Variants in ANKHD1 observed in about 807,000 individuals in gnomAD.
ANKHD1 encodes the protein ankyrin repeat and KH domain-containing protein 1.
A neutral mutation model predicts 230.5 loss-of-function variants in ANKHD1; 31 were observed. The ratio of observed to expected loss-of-function variants is 0.13; its 90% CI spans 0.10 to 0.18. ANKHD1 has a LOEUF of 0.18. ANKHD1 is among the 10% of genes least tolerant of loss of function. ANKHD1 has a pLI of 1.00. For missense variants in ANKHD1, 2,256 were observed against 3,071.3 expected, an observed-to-expected ratio of 0.73 and a Z score of 6.27; for synonymous variants, 1,074 against 1,117.6, an observed-to-expected ratio of 0.96 and a Z score of 0.78.
intron 14 of ANKHD1, among the ~76,000 whole-genome samples, chr5:140,491,461 G>A (rs1344604688): frequency 4.0e-5 from 6 of 151,800 alleles, no homozygotes; most frequent in Admixed American, 6.6e-5. Context: ...CAGCACACCC[G>A]GCGATTACCT....
rs1753644456 is a variant in ANKHD1, at chr5:140,527,233, G to T, written c.5087+159G>T. ...ATATGCTAAAGCAAAATTAGAAGCA[G>T]TATGTAAATTTTGCATGCATATTTT... On this transcript the variant is annotated intron_variant, in intron 27 of 33. Transcript: ENST00000360839. This position sits in a 1 kb window ranked among gnomAD's most constrained non-coding sequence, Gnocchi z 4.5. 1 of 1,208,890 alleles carries T rather than the reference G, an allele frequency of 8.3e-7. No homozygotes were observed. Among genetic ancestry groups the T allele is most frequent in the Admixed American group, 3.9e-5 (1 of 25,792 alleles). 74.9% of individuals were successfully genotyped at this position (1,208,890 alleles called of 1,614,324 possible).
At chr5:140,491,090 G>GTATATATATATATATATATATATA (rs1482029581) in intron 14 of ANKHD1, among the ~76,000 whole-genome samples, 26 of 96,584 alleles carry the variant, frequency 2.7e-4, no homozygotes, top group South Asian at 4.1e-4. Context: ...ATGTGTGTGT[G>GTATATATATATATATATATATATA]TGTATATATA....
Position 140,402,124 on chromosome 5 carries a change from G to A in ANKHD1, c.157G>A (p.Ala53Thr). Residue 53 changes from alanine to threonine, a missense_variant, in exon 1 of 34, where the codon GCG becomes ACG. This residue lies in a region of ANKHD1 where 193 missense variants were observed against 185.8 expected (regional missense o/e 1.04). Coordinates refer to ENST00000360839, the MANE Select transcript of ANKHD1 (RefSeq NM_017747.3). Reference protein sequence around the residue: ...TVRLFGEAGPASGVGSSGGGG... With the variant: ...TVRLFGEAGPTSGVGSSGGGG... ...GAGGCTCTTTGGGGAGGCCGGGCCA[G>A]CGTCGGGAGTCGGCAGCAGCGGCGG... The A allele has an allele frequency of 6.5e-7, 1 of 1,543,672 alleles. No homozygotes were observed. The highest frequency in any genetic ancestry group is 8.7e-7 in the Non-Finnish European group (1 of 1,149,174).
intron 26 of ANKHD1, 100 bp downstream of exon 26, chr5:140,526,543 C>T (rs957208072): frequency 3.7e-5 from 52 of 1,401,170 alleles, no homozygotes; most frequent in Non-Finnish European, 4.5e-5. Context: ...TTGTGTTAAA[C>T]AATTGAAGTC....
intron 10 of ANKHD1, among the ~76,000 whole-genome samples, chr5:140,468,571 T>A (rs1776274654): frequency 6.6e-6 from 1 of 152,234 alleles, no homozygotes; most frequent in Non-Finnish European, 1.5e-5. Flanking sequence ...CTGTATTAAA[T>A]CTTATAAATA....
intron 5 of ANKHD1, among the ~76,000 whole-genome samples, chr5:140,443,823 C>A (rs941982017): frequency 6.6e-6 from 1 of 151,968 alleles, no homozygotes; most frequent in African/African-American, 2.4e-5. Context: ...TAACTTTAAG[C>A]CAAACAGTAT....
rs1384365119 is a variant in ANKHD1 at position 140,539,453 on chromosome 5, AAACCTATGACCTTGGAAG to A, written c.*40_*57del. On this transcript the variant is annotated 3_prime_UTR_variant, in exon 34 of 34. Coordinates refer to ENST00000360839, the MANE Select transcript of ANKHD1 (RefSeq NM_017747.3). ...TCTTTACTCTTTAGCCTTGTTTAAG[AAACCTATGACCTTGGAAG>A]AACCATGGGGATTTTTTTTTAATGT... 1 of 1,602,892 alleles carries A rather than the reference AAACCTATGACCTTGGAAG, an allele frequency of 6.2e-7. No individual in the cohort carries two copies. The highest frequency in any genetic ancestry group is 8.5e-7 in the Non-Finnish European group (1 of 1,174,616).
intron 17 of ANKHD1, 139 bp downstream of exon 17, chr5:140,505,372 T>A: frequency 3.7e-6 from 4 of 1,081,120 alleles, no homozygotes; most frequent in Non-Finnish European, 5.3e-6. Context: ...TCTGGATTCA[T>A]TATTCTGCGG....
intron 1 of ANKHD1, among the ~76,000 whole-genome samples, chr5:140,409,705 A>T (rs1173689734): frequency 6.6e-6 from 1 of 151,950 alleles, no homozygotes; most frequent in Non-Finnish European, 1.5e-5. Context: ...GGCCCGTGCC[A>T]CCACGCTCGG....
chr5:140,486,925 C>A, intron 13 of ANKHD1, 33 bp from the exon 14 acceptor site: 1 of 1,600,236 alleles, frequency 6.2e-7, no homozygotes, highest in South Asian at 1.1e-5. Flanking sequence ...ATTCTTTGGT[C>A]TGAGATGATT....
intron 29 of ANKHD1, among the ~76,000 whole-genome samples, chr5:140,531,913 A>G (rs2127093321): frequency 6.6e-6 from 1 of 152,280 alleles, no homozygotes; most frequent in South Asian, 2.1e-4. Context: ...TATTTGGTAT[A>G]AAAAGAAATA....
At chr5:140,496,332 A>G (rs1409893938) in intron 14 of ANKHD1, among the ~76,000 whole-genome samples, 188 bp from the exon 15 acceptor site, 1 of 151,546 alleles carries the variant, frequency 6.6e-6, no homozygotes, top group Non-Finnish European at 1.5e-5. Flanking sequence ...ATAGATGAGT[A>G]TAGGCTTTAA....
intron 24 of ANKHD1, among the ~76,000 whole-genome samples, chr5:140,522,973 T>A (rs1326748225): frequency 6.6e-6 from 1 of 152,190 alleles, no homozygotes; most frequent in Admixed American, 6.5e-5. Flanking sequence ...ATATTTTCTT[T>A]GGAGAAATGT....
Position 140,425,064 on chromosome 5 carries a change from C to T in ANKHD1, c.307-11040C>T, listed in dbSNP as rs140060836. ...ATTTTTAAAAAGATTTTTCCTTCTC[C>T]TGTTTTCAGTTAGGGACTTCAAAAG... On this transcript the variant is annotated intron_variant, in intron 1 of 33. Transcript: ENST00000360839. Among the ~76,000 whole-genome samples the T allele has an allele frequency of 1.8e-3, 277 of 152,206 alleles. 2 individuals are homozygous for T. The highest frequency in any genetic ancestry group is 6.2e-3 in the African/African-American group (256 of 41,524).
intron 9 of ANKHD1, among the ~76,000 whole-genome samples, chr5:140,462,509 G>A (rs994090750): frequency 6.6e-6 from 1 of 151,422 alleles, no homozygotes; most frequent in African/African-American, 2.4e-5. Context: ...CGGATCACAA[G>A]GTCAGGAGAT....
intron 1 of ANKHD1, among the ~76,000 whole-genome samples, chr5:140,435,736 T>C (rs1049631584): frequency 1.3e-5 from 2 of 152,114 alleles, no homozygotes; most frequent in Non-Finnish European, 2.9e-5. Context: ...GGTTTCACCT[T>C]GTTGCCCAGG....
At chr5:140,533,490 T>C (rs928056297) in intron 29 of ANKHD1, among the ~76,000 whole-genome samples, 12 of 152,018 alleles carry the variant, frequency 7.9e-5, no homozygotes, top group African/African-American at 2.4e-4. Context: ...TCGCAGCTAC[T>C]TGGGAGGCTG....
intron 26 of ANKHD1, 43 bp downstream of exon 26, chr5:140,526,486 C>A: frequency 1.3e-6 from 2 of 1,549,866 alleles, no homozygotes; most frequent in Non-Finnish European, 1.7e-6. Context: ...ACCTTTCCTT[C>A]TTCATGCCTG....
Position 140,529,690 on chromosome 5 carries a change from G to A in ANKHD1, c.6744G>A (p.Ala2248=), listed in dbSNP as rs376677373. 13 of 1,614,058 alleles carry A rather than the reference G, an allele frequency of 8.1e-6. No individual in the cohort carries two copies. Among genetic ancestry groups the A allele is most frequent in the African/African-American group, 4.0e-5 (3 of 74,914 alleles). The part of the protein sequence containing the change: ...ATDASFTVQS[A]FLGNSVLGHL... Reference sequence around the variant, plus strand: ...ATGCCTCTTTCACTGTTCAGTCAGCGTTCCTGGGTAACTCAGTGCTTGGAC... The same window carrying A: ...ATGCCTCTTTCACTGTTCAGTCAGCATTCCTGGGTAACTCAGTGCTTGGAC... Residue 2248 remains alanine, a synonymous_variant, in exon 29 of 34, where the codon GCG becomes GCA. Coordinates refer to ENST00000360839, the MANE Select transcript of ANKHD1 (RefSeq NM_017747.3).
Sources: gnomAD v4.1 joint callset for allele counts (sites outside exome capture counted in the v4.1 genomes callset) on GRCh38, gnomAD v4.1.1 for gene constraint, gnomAD v4.1.1 regional missense constraint, Gnocchi (gnomAD v3.1) non-coding constraint, MANE v1.5 for transcripts, NCBI Gene and HGNC (gene_info 2026-07-23, HGNC 2026-07-21) for gene names.